PTPRG: variants seen among roughly 807,000 people sequenced by gnomAD.
PTPRG encodes protein tyrosine phosphatase receptor type G, also known as receptor-type tyrosine-protein phosphatase gamma.
A neutral mutation model predicts 165.3 loss-of-function variants in PTPRG; 102 were observed. That is an observed-to-expected ratio of 0.62 (90% confidence interval 0.53 to 0.73). The LOEUF is 0.73. PTPRG is among the 30% of genes least tolerant of loss of function. The probability of loss-of-function intolerance (pLI) is 0.00; values close to 1 mark genes in which losing one functional copy is unlikely to be tolerated. For synonymous variants in PTPRG, 675 were observed against 669.5 expected, an observed-to-expected ratio of 1.01 and a Z score of -0.13; for missense variants, 1,866 against 1,861.4, an observed-to-expected ratio of 1.00 and a Z score of -0.05.
At chr3:61,866,582 CTTTTTTTTTTTTTTTTTTTTTTTT>C (rs532356516) in intron 2 of PTPRG, among the ~76,000 whole-genome samples, 1 of 69,066 alleles carries the variant, frequency 1.4e-5, no homozygotes, top group African/African-American at 4.3e-5. Context: ...ACTGTTTGCT[CTTTTTTTTTTTTTTTTTTTTTTTT>C]TTTTTTTTTT....
intron 2 of PTPRG, chr3:61,750,179 A>G (rs947181744): frequency 4.6e-5 from 7 of 152,208 alleles, no homozygotes; most frequent in African/African-American, 1.7e-4. Context: ...AATGAAGGAA[A>G]TTGGCAGATG....
chr3:61,894,301 C>CAAAAAAAAAAAA lies in PTPRG; in HGVS notation c.191-95302_191-95291dup. Among the ~76,000 whole-genome samples, 74 of 49,850 alleles carry CAAAAAAAAAAAA rather than the reference C, an allele frequency of 1.5e-3. 11 individuals are homozygous for CAAAAAAAAAAAA. Among genetic ancestry groups the CAAAAAAAAAAAA allele is most frequent in the African/African-American group, 4.0e-3 (60 of 15,100 alleles). 32.7% of individuals were successfully genotyped at this position (49,850 alleles called of 152,430 possible). On this transcript the variant is annotated intron_variant, in intron 2 of 29. Transcript: ENST00000474889. The stretch of plus-strand genomic sequence containing the variant: ...CGGGCAACAGAGCAAGACTCTGTGT[C>CAAAAAAAAAAAA]AAAAAAAAAAAAAAAAAAAAAAAAA...
At chr3:62,174,123 T>C (rs1476926723) in intron 8 of PTPRG, among the ~76,000 whole-genome samples, 1 of 152,242 alleles carries the variant, frequency 6.6e-6, no homozygotes, top group Non-Finnish European at 1.5e-5. Context: ...TCAGTTATTC[T>C]GCAGCATATC....
At chr3:61,961,724 T>G (rs1168226213) in intron 2 of PTPRG, among the ~76,000 whole-genome samples, 2 of 152,206 alleles carry the variant, frequency 1.3e-5, no homozygotes, top group African/African-American at 2.4e-5. Flanking sequence ...CTGCTTTCTT[T>G]AGACCTGTCA....
At chr3:61,692,363 T>C (rs914608283) in intron 1 of PTPRG, among the ~76,000 whole-genome samples, 1 of 152,080 alleles carries the variant, frequency 6.6e-6, no homozygotes, top group Non-Finnish European at 1.5e-5. Flanking sequence ...CTCCATAGAG[T>C]TGATGTATTA....
At chr3:61,733,615 A>G (rs1284767778) in intron 1 of PTPRG, among the ~76,000 whole-genome samples, 1 of 152,242 alleles carries the variant, frequency 6.6e-6, no homozygotes, top group Non-Finnish European at 1.5e-5. Context: ...CAACTAAAGC[A>G]GAGCAGGACA....
intron 4 of PTPRG, among the ~76,000 whole-genome samples, chr3:62,010,654 A>T (rs2041399850): frequency 6.6e-6 from 1 of 152,124 alleles, no homozygotes; most frequent in African/African-American, 2.4e-5. Context: ...TATCTCTAAT[A>T]AAATAAAATA....
intron 4 of PTPRG, among the ~76,000 whole-genome samples, chr3:62,050,311 C>A (rs969869398): frequency 2.0e-5 from 3 of 152,148 alleles, no homozygotes; most frequent in South Asian, 2.1e-4. Flanking sequence ...GAAATACTTA[C>A]CATCATGTTA....
chr3:61,596,337 G>A (rs1253903805), intron 1 of PTPRG, among the ~76,000 whole-genome samples: 1 of 152,120 alleles, frequency 6.6e-6, no homozygotes, highest in Non-Finnish European at 1.5e-5. Context: ...GTGAGTATGA[G>A]ACAACATACA....
chr3:62,243,105 G>C (rs1455842461), intron 14 of PTPRG, among the ~76,000 whole-genome samples: 5 of 152,082 alleles, frequency 3.3e-5, no homozygotes. Context: ...GCCAGCATCG[G>C]AGGCAGAGGC....
intron 2 of PTPRG, among the ~76,000 whole-genome samples, chr3:61,762,302 A>T (rs1032607241): frequency 1.3e-5 from 2 of 152,162 alleles, no homozygotes; most frequent in African/African-American, 4.8e-5. Context: ...ATTGAGCTGC[A>T]TACCTGCTGT....
At chr3:62,131,991 G>A (rs1703533365) in intron 5 of PTPRG, among the ~76,000 whole-genome samples, 1 of 152,212 alleles carries the variant, frequency 6.6e-6, no homozygotes, top group Admixed American at 6.5e-5. Flanking sequence ...TTAAGGGAAA[G>A]AAGAGGTGGG....
Position 61,996,071 on chromosome 3 carries a change from T to A in PTPRG, c.370+6267T>A, listed in dbSNP as rs190148209. 2.6e-5 allele frequency among the ~76,000 whole-genome samples: 4 copies of A among 152,316 alleles called. No homozygotes were observed. In the East Asian group the frequency reaches 7.7e-4, roughly 29 times the overall value. ...CCCCCTTCTCTCCCTTCTTCCTGTCTTCTTTCCTTAGAGCTGGCCATAGAA... is the reference window on the plus strand; with the variant it reads ...CCCCCTTCTCTCCCTTCTTCCTGTCATCTTTCCTTAGAGCTGGCCATAGAA... On this transcript the variant is annotated intron_variant, in intron 3 of 29. Transcript: ENST00000474889.
intron 5 of PTPRG, chr3:62,124,617 CGAGGGAAGGTGAGACCGG>C (rs1264899350): frequency 3.3e-5 from 5 of 152,130 alleles, no homozygotes; most frequent in Admixed American, 2.8e-4. Flanking sequence ...ATGCTGACCG[CGAGGGAAGGTGAGACCGG>C]GAGGGAGCTG....
At chr3:61,964,734 G>A (rs1303769095) in intron 2 of PTPRG, among the ~76,000 whole-genome samples, 1 of 151,902 alleles carries the variant, frequency 6.6e-6, no homozygotes. Flanking sequence ...TTTTACACGC[G>A]TGGCTCAGCC....
In PTPRG at chr3:62,195,669, C is replaced by G. The variant is rs573403132; in HGVS notation, c.1327+499C>G. On this transcript the variant is annotated intron_variant, in intron 10 of 29. Transcript: ENST00000474889. This position sits in a 1 kb window ranked among gnomAD's most constrained non-coding sequence, Gnocchi z 4.4. ...ATAGATGGTCCTGATGACTTAGGGA[C>G]TAATAGAAAGGTCCAGGGCCAGAAC... Among the ~76,000 whole-genome samples, 2 of 152,108 alleles carry G rather than the reference C, an allele frequency of 1.3e-5. No homozygotes were observed. The highest frequency in any genetic ancestry group is 2.9e-5 in the Non-Finnish European group (2 of 68,034).
rs894523774 is a variant in PTPRG, at chr3:62,254,894, CT to C, written c.2468-223del. On this transcript the variant is annotated intron_variant, in intron 15 of 29. Coordinates refer to ENST00000474889, the MANE Select transcript of PTPRG (RefSeq NM_002841.4). This position sits in a 1 kb window ranked among gnomAD's most constrained non-coding sequence, Gnocchi z 4.6. ...AAAATAAGGGGAATTCTCTATGTAC[CT>C]TTTTTTAAAAACCATATTTAACCTG... Among the ~76,000 whole-genome samples, 1 of 151,834 alleles carries C rather than the reference CT, an allele frequency of 6.6e-6. No individual in the cohort carries two copies. The highest frequency in any genetic ancestry group is 1.5e-5 in the Non-Finnish European group (1 of 67,966).
chr3:62,099,259 C>T lies in PTPRG; in HGVS notation c.615+21001C>T, dbSNP rs116018465. Among the ~76,000 whole-genome samples, 523 of 152,300 alleles carry T rather than the reference C, an allele frequency of 3.4e-3. 2 individuals are homozygous for T. The highest frequency in any genetic ancestry group is 6.2e-3 in the Non-Finnish European group (425 of 68,018). ...CTCATAACCATCTATTTCTGCCTCA[C>T]CATTAATTCTGGTGTAAGCAAGCCC... On this transcript the variant is annotated intron_variant, in intron 5 of 29. Transcript: ENST00000474889.
chr3:61,748,085 A>G (rs1420380745), intron 1 of PTPRG, among the ~76,000 whole-genome samples: 1 of 152,180 alleles, frequency 6.6e-6, no homozygotes, highest in Non-Finnish European at 1.5e-5. Flanking sequence ...GATTGAAATG[A>G]TTTTGAGATT....
Sources: allele counts gnomAD v4.1 joint callset (sites outside exome capture counted in the v4.1 genomes callset), GRCh38; gene constraint gnomAD v4.1.1; non-coding constraint Gnocchi (gnomAD v3.1); transcripts MANE v1.5; gene names NCBI Gene and HGNC (gene_info 2026-07-23, HGNC 2026-07-21).